The following GRM7 variants were observed in gnomAD, a reference collection of about 807,000 sequenced individuals.
The protein encoded by GRM7 is glutamate metabotropic receptor 7, also known as metabotropic glutamate receptor 7.
GRM7 carries 35 observed loss-of-function variants against 84.5 expected under a neutral mutation model. The observed-to-expected ratio is 0.41, with a 90% confidence interval of 0.32 to 0.55. The LOEUF (loss-of-function observed/expected upper bound fraction) is 0.55, where lower values mean the gene tolerates loss of function less well. Ranked by LOEUF, GRM7 falls within the 20% of genes least tolerant of loss-of-function variation. The pLI is 0.19. For synonymous variants in GRM7, 487 were observed against 455.1 expected, an observed-to-expected ratio of 1.07 and a Z score of -0.89; for missense variants, 1,003 against 1,194.6, an observed-to-expected ratio of 0.84 and a Z score of 2.36.
chr3:7,159,154 A>G (rs944136280), intron 2 of GRM7, among the ~76,000 whole-genome samples: 1 of 152,204 alleles, frequency 6.6e-6, no homozygotes, highest in African/African-American at 2.4e-5. Flanking sequence ...TAAAATAGAG[A>G]GATGAGACAT....
At position 7,151,269 on chromosome 3, in the gene GRM7, T is replaced by C. The variant is rs1401125787; in HGVS notation, c.736+4601T>C. ...TAAAAATACAAAAATTAACCTGGCATGGTGGCATGCACCTGTAATCCCAGC... is the reference window on the plus strand; with the variant it reads ...TAAAAATACAAAAATTAACCTGGCACGGTGGCATGCACCTGTAATCCCAGC... On this transcript the variant is annotated intron_variant, in intron 2 of 9. Transcript: ENST00000357716. The surrounding 1 kb of genome is among the most constrained non-coding windows in gnomAD (Gnocchi z 4.5). Among the ~76,000 whole-genome samples the C allele has an allele frequency of 6.6e-6, 1 of 152,170 alleles. No individual in the cohort carries two copies. The highest frequency in any genetic ancestry group is 1.5e-5 in the Non-Finnish European group (1 of 68,044).
intron 4 of GRM7, among the ~76,000 whole-genome samples, chr3:7,371,661 T>G (rs1383361827): frequency 1.3e-5 from 2 of 152,142 alleles, no homozygotes; most frequent in African/African-American, 2.4e-5. Context: ...CTCAGTCTCT[T>G]TTCTGTTTCT....
intron 8 of GRM7, among the ~76,000 whole-genome samples, chr3:7,651,159 C>A (rs78392592): frequency 0.012 from 1,868 of 152,288 alleles, 48 homozygotes; most frequent in African/African-American, 0.043. Context: ...TTTCTTTCTC[C>A]TTTCTCATGT....
intron 2 of GRM7, among the ~76,000 whole-genome samples, chr3:7,198,155 T>TAAAA (rs55839391): frequency 7.3e-6 from 1 of 137,658 alleles, no homozygotes; most frequent in African/African-American, 2.8e-5. Context: ...GATAAAATGT[T>TAAAA]AAAAAAAAAA....
chr3:7,339,734 T>G (rs549883234), intron 4 of GRM7, among the ~76,000 whole-genome samples: 11 of 152,182 alleles, frequency 7.2e-5, no homozygotes, highest in Non-Finnish European at 1.2e-4. Context: ...AGGGGTGAAC[T>G]GAAGTGCTTT....
chr3:6,873,361 C>A (rs1402773176), intron 1 of GRM7, among the ~76,000 whole-genome samples: 1 of 152,148 alleles, frequency 6.6e-6, no homozygotes, highest in Non-Finnish European at 1.5e-5. Flanking sequence ...GCGTGAGCCA[C>A]CTTGGCCAGC....
intron 5 of GRM7, among the ~76,000 whole-genome samples, chr3:7,445,095 A>T (rs995602414): frequency 6.6e-6 from 1 of 152,174 alleles, no homozygotes; most frequent in Non-Finnish European, 1.5e-5. Context: ...AAGGGAAGTC[A>T]AGCAAGAATA....
At chr3:7,118,363 T>G (rs1025630666) in intron 1 of GRM7, among the ~76,000 whole-genome samples, 1 of 151,764 alleles carries the variant, frequency 6.6e-6, no homozygotes, top group African/African-American at 2.4e-5. Flanking sequence ...ATCCTCCAGC[T>G]TGGGCAACAG....
chr3:7,015,099 G>A (rs1384205279), intron 1 of GRM7, among the ~76,000 whole-genome samples: 6 of 152,062 alleles, frequency 3.9e-5, no homozygotes, highest in Admixed American at 3.3e-4. Flanking sequence ...GGGTGTGGGC[G>A]GGGACAAATA....
intron 1 of GRM7, among the ~76,000 whole-genome samples, chr3:6,930,373 G>A (rs564869018): frequency 6.6e-6 from 1 of 152,172 alleles, no homozygotes; most frequent in Non-Finnish European, 1.5e-5. Flanking sequence ...CATAGAGTAG[G>A]CAAGAGGTCA....
intron 2 of GRM7, among the ~76,000 whole-genome samples, chr3:7,181,890 TG>T (rs1409217111): frequency 6.6e-6 from 1 of 152,094 alleles, no homozygotes; most frequent in Non-Finnish European, 1.5e-5. Context: ...GGATTACAGG[TG>T]TGAGCCACCT....
intron 1 of GRM7, among the ~76,000 whole-genome samples, chr3:7,073,790 A>G (rs1279178447): frequency 2.0e-5 from 3 of 152,300 alleles, no homozygotes; most frequent in Middle Eastern, 3.4e-3. Context: ...TCTGACCCTC[A>G]TGTACAAAGA....
chr3:7,628,981 T>C (rs1035766012), intron 8 of GRM7, among the ~76,000 whole-genome samples: 9 of 152,162 alleles, frequency 5.9e-5, no homozygotes, highest in African/African-American at 2.2e-4. Flanking sequence ...AGGATACATA[T>C]TGCAAATCTC....
intron 1 of GRM7, among the ~76,000 whole-genome samples, chr3:6,911,862 A>G (rs889291174): frequency 3.3e-5 from 5 of 152,218 alleles, no homozygotes; most frequent in Admixed American, 1.3e-4. Context: ...ATTGATATGA[A>G]GCTAAGAACA....
intron 9 of GRM7, among the ~76,000 whole-genome samples, chr3:7,711,695 C>A (rs1226796864): frequency 6.6e-6 from 1 of 152,166 alleles, no homozygotes; most frequent in Admixed American, 6.6e-5. Context: ...ACTCCCTATC[C>A]GCGTTCTTTT....
intron 1 of GRM7, among the ~76,000 whole-genome samples, chr3:7,111,554 A>G (rs1692851994): frequency 6.6e-6 from 1 of 152,176 alleles, no homozygotes; most frequent in Admixed American, 6.5e-5. Flanking sequence ...TCTTGCCTCC[A>G]ACTGACTGTT....
At chr3:7,364,907 C>T (rs1200198579) in intron 4 of GRM7, among the ~76,000 whole-genome samples, 1 of 151,828 alleles carries the variant, frequency 6.6e-6, no homozygotes, top group Non-Finnish European at 1.5e-5. Context: ...TTCCTTTTTG[C>T]ATCCTACTCA....
intron 1 of GRM7, among the ~76,000 whole-genome samples, chr3:6,876,566 A>G (rs1157519340): frequency 6.6e-6 from 1 of 151,146 alleles, no homozygotes; most frequent in Non-Finnish European, 1.5e-5. Flanking sequence ...ACTCAGGTCA[A>G]TGTGACTGAT....
chr3:7,211,238 T>A (rs1419214009), intron 2 of GRM7, among the ~76,000 whole-genome samples: 3 of 152,218 alleles, frequency 2.0e-5, no homozygotes, highest in Non-Finnish European at 2.9e-5. Context: ...GAATTCTGCA[T>A]AAACTCTAAT....
Sources: allele counts gnomAD v4.1 joint callset (sites outside exome capture counted in the v4.1 genomes callset), GRCh38; gene constraint gnomAD v4.1.1; non-coding constraint Gnocchi (gnomAD v3.1); transcripts MANE v1.5; gene names NCBI Gene and HGNC (gene_info 2026-07-23, HGNC 2026-07-21).